MTA3: variants seen among roughly 807,000 people sequenced by gnomAD.
The protein encoded by MTA3 is metastasis associated 1 family member 3, also known as metastasis-associated protein MTA3.
MTA3 carries 34 observed loss-of-function variants against 83.5 expected under a neutral mutation model. The ratio of observed to expected loss-of-function variants is 0.41; its 90% CI spans 0.31 to 0.54. The LOEUF (loss-of-function observed/expected upper bound fraction) is 0.54. Among genes scored for constraint, MTA3 ranks in the 20% least tolerant of loss-of-function variants. The pLI is 0.33. For missense variants in MTA3, 761 were observed against 726.4 expected (o/e 1.05, Z -0.55); for synonymous variants, 303 against 252.7 (o/e 1.20, Z -1.89).
At chr2:42,587,027 A>C (rs1232998924) in intron 3 of MTA3, among the ~76,000 whole-genome samples, 1 of 151,520 alleles carries the variant, frequency 6.6e-6, no homozygotes, top group Non-Finnish European at 1.5e-5. Flanking sequence ...ATCTCAAAAA[A>C]AATAAAAATG....
chr2:42,720,997 A>G (rs1667371823), intron 15 of MTA3, among the ~76,000 whole-genome samples: 3 of 151,438 alleles, frequency 2.0e-5, no homozygotes. Context: ...AAAAAAGAAT[A>G]TAACATTATT....
intron 2 of MTA3, among the ~76,000 whole-genome samples, chr2:42,558,936 A>C (rs1572981639): frequency 1.3e-5 from 2 of 151,888 alleles, no homozygotes; most frequent in Non-Finnish European, 2.9e-5. Flanking sequence ...GCCTTGTCTC[A>C]GTAGTTCCCC....
chr2:42,738,294 A>G (rs1163306670), intron 16 of MTA3, among the ~76,000 whole-genome samples: 1 of 152,172 alleles, frequency 6.6e-6, no homozygotes, highest in East Asian at 1.9e-4. Flanking sequence ...GGCTGAAACC[A>G]TGGCAGAAGA....
intron 8 of MTA3, among the ~76,000 whole-genome samples, chr2:42,668,377 T>A (rs540671508): frequency 6.6e-6 from 1 of 152,354 alleles, no homozygotes; most frequent in East Asian, 1.9e-4. Context: ...ATAGAGGCCC[T>A]GTCCTTACTG....
intron 2 of MTA3, among the ~76,000 whole-genome samples, chr2:42,535,484 C>T (rs1676186259): frequency 6.6e-6 from 1 of 152,092 alleles, no homozygotes; most frequent in South Asian, 2.1e-4. Flanking sequence ...CTCTTGGCCT[C>T]CCAAAGTGTT....
intron 4 of MTA3, among the ~76,000 whole-genome samples, chr2:42,625,362 T>C (rs912913986): frequency 1.8e-4 from 28 of 151,730 alleles, no homozygotes; most frequent in African/African-American, 6.8e-4. Flanking sequence ...TTTCTTTTTT[T>C]CCCTTTTTTG....
chr2:42,529,643 C>A (rs1434927256), intron 2 of MTA3, among the ~76,000 whole-genome samples: 1 of 152,188 alleles, frequency 6.6e-6, no homozygotes, highest in East Asian at 1.9e-4. Context: ...TAACTCTTGG[C>A]ATTTGGGTAG....
chr2:42,641,856 G>A (rs1687725002), intron 5 of MTA3, among the ~76,000 whole-genome samples: 1 of 151,518 alleles, frequency 6.6e-6, no homozygotes, highest in Admixed American at 6.6e-5. Flanking sequence ...GACAGAGTGA[G>A]ACCTTGTCTT....
intron 8 of MTA3, among the ~76,000 whole-genome samples, chr2:42,661,404 G>T (rs1689695342): frequency 6.7e-6 from 1 of 150,158 alleles, no homozygotes; most frequent in Non-Finnish European, 1.5e-5. Flanking sequence ...GGGAGGCTGA[G>T]ATGGGGAGAT....
chr2:42,719,813 A>G (rs1667278311), intron 15 of MTA3, among the ~76,000 whole-genome samples: 1 of 152,244 alleles, frequency 6.6e-6, no homozygotes, highest in African/African-American at 2.4e-5. Flanking sequence ...TATCACAATT[A>G]AGAATAGTAT....
chr2:42,520,851 C>T (rs901989224), intron 2 of MTA3, among the ~76,000 whole-genome samples: 2 of 152,172 alleles, frequency 1.3e-5, no homozygotes, highest in African/African-American at 4.8e-5. Context: ...CAGGTGTGAG[C>T]CACCACGCCC....
At chr2:42,597,125 G>A (rs1181532445) in intron 3 of MTA3, among the ~76,000 whole-genome samples, 10 of 151,684 alleles carry the variant, frequency 6.6e-5, no homozygotes, top group African/African-American at 1.7e-4. Context: ...TTGTCCAGGC[G>A]GGTTTCGAAA....
intron 6 of MTA3, among the ~76,000 whole-genome samples, chr2:42,647,380 T>C (rs1485747715): frequency 6.6e-6 from 1 of 151,682 alleles, no homozygotes; most frequent in Non-Finnish European, 1.5e-5. Flanking sequence ...TGTGCCACCA[T>C]GCCCAGCTAA....
In MTA3 at chr2:42,756,830, G is replaced by T; in HGVS notation, c.*3431G>T. On this transcript the variant is annotated 3_prime_UTR_variant, in exon 17 of 17. Transcript: ENST00000405094. ...AGAGCACGCACCTGTGCTCATGAGT[G>T]TTTCCGCAGGATAATTCGTTCTGAG... 1.0e-6 allele frequency: 1 copy of T among 985,426 alleles called. No homozygotes were observed. The highest frequency in any genetic ancestry group is 1.2e-6 in the Non-Finnish European group (1 of 829,952). 61.0% of individuals were successfully genotyped at this position (985,426 alleles called of 1,614,324 possible).
intron 2 of MTA3, among the ~76,000 whole-genome samples, chr2:42,553,646 A>G (rs1383759752): frequency 1.3e-5 from 2 of 151,284 alleles, no homozygotes; most frequent in African/African-American, 4.9e-5. Context: ...GAGGCAGGAG[A>G]ATGGCTTGAA....
intron 2 of MTA3, among the ~76,000 whole-genome samples, chr2:42,561,242 T>C (rs1282958809): frequency 6.6e-6 from 1 of 152,212 alleles, no homozygotes; most frequent in Non-Finnish European, 1.5e-5. Flanking sequence ...CTTACCACCA[T>C]CATCACTTTT....
chr2:42,613,944 A>C (rs573209303), intron 4 of MTA3: 1 of 152,178 alleles, frequency 6.6e-6, no homozygotes, highest in African/African-American at 2.4e-5. Context: ...TGCTTCATTT[A>C]TGCACAGTGA....
At chr2:42,591,957 T>G (rs2103942122) in intron 3 of MTA3, among the ~76,000 whole-genome samples, 1 of 152,238 alleles carries the variant, frequency 6.6e-6, no homozygotes, top group African/African-American at 2.4e-5. Flanking sequence ...CCTTAAGCTT[T>G]TTTCCTATTA....
chr2:42,720,292 C>T (rs905686724), intron 15 of MTA3, among the ~76,000 whole-genome samples: 1 of 152,102 alleles, frequency 6.6e-6, no homozygotes, highest in Non-Finnish European at 1.5e-5. Flanking sequence ...ACGCCATTCT[C>T]CTGCCTCAGC....
Sources: gnomAD v4.1 joint callset for allele counts (sites outside exome capture counted in the v4.1 genomes callset) on GRCh38, gnomAD v4.1.1 for gene constraint, MANE v1.5 for transcripts, NCBI Gene and HGNC (gene_info 2026-07-23, HGNC 2026-07-21) for gene names.